Variants in TULP4 observed in about 807,000 individuals in gnomAD.
TULP4 encodes tubby-related protein 4.
TULP4 carries 16 observed loss-of-function variants against 129.0 expected under a neutral mutation model. The observed-to-expected ratio is 0.12, with a 90% CI of 0.08 to 0.19. The LOEUF (loss-of-function observed/expected upper bound fraction) is 0.19, where lower values mean the gene tolerates loss of function less well. Among genes scored for constraint, TULP4 ranks in the 10% least tolerant of loss-of-function variants. TULP4 has a pLI of 1.00. For missense variants in TULP4, 1,842 were observed against 2,059.1 expected, an observed-to-expected ratio of 0.89 and a Z score of 2.04; for synonymous variants, 998 against 854.0, an observed-to-expected ratio of 1.17 and a Z score of -2.94.
chr6:158,237,782 C>A, intron 1 of TULP4: 1 of 782,114 alleles, frequency 1.3e-6, no homozygotes, highest in Non-Finnish European at 2.4e-6. Flanking sequence ...TTTTCAAGAG[C>A]CTCAACATCT....
At chr6:158,361,262 A>G (rs1780782074) in intron 1 of TULP4, among the ~76,000 whole-genome samples, 1 of 152,202 alleles carries the variant, frequency 6.6e-6, no homozygotes, top group African/African-American at 2.4e-5. Flanking sequence ...GAGCAGAGTG[A>G]TATCAGGAGC....
intron 1 of TULP4, among the ~76,000 whole-genome samples, chr6:158,266,892 A>G (rs1013269608): frequency 6.6e-6 from 1 of 152,190 alleles, no homozygotes; most frequent in Admixed American, 6.5e-5. Flanking sequence ...GTGTACAGCC[A>G]TCATCGCTAT....
chr6:158,270,578 G>A (rs1340645152), intron 1 of TULP4, among the ~76,000 whole-genome samples: 3 of 152,166 alleles, frequency 2.0e-5, no homozygotes, highest in Admixed American at 6.5e-5. Context: ...CTCAGTTAGC[G>A]TCTCTGGCCT....
intron 12 of TULP4, among the ~76,000 whole-genome samples, chr6:158,500,857 G>C (rs1349853813): frequency 6.6e-6 from 1 of 152,244 alleles, no homozygotes; most frequent in Non-Finnish European, 1.5e-5. Context: ...CTGAGGTCAG[G>C]AGTTGGGGAC....
At chr6:158,302,323 G>A (rs1779146561) in intron 1 of TULP4, among the ~76,000 whole-genome samples, 1 of 152,200 alleles carries the variant, frequency 6.6e-6, no homozygotes, top group Non-Finnish European at 1.5e-5. Context: ...AAAGCAATAT[G>A]AAAGAAATAG....
At position 158,375,698 on chromosome 6, in the gene TULP4, C is replaced by T. The variant is rs1028903249; in HGVS notation, c.253-37367C>T. On this transcript the variant is annotated intron_variant, in intron 1 of 13. Transcript: ENST00000367097. ...AAGAAACACTGTAGGGTAAAATGCA[C>T]GCTGCTTAGTTTCATTAGCAAGTGC... Among the ~76,000 whole-genome samples the T allele has an allele frequency of 6.6e-5, 10 of 152,150 alleles. No homozygotes were observed. The East Asian group carries it at 9.6e-4, about 15-fold the overall frequency.
chr6:158,413,228 T>TGCGG lies in TULP4; in HGVS notation c.381+37_381+40dup, dbSNP rs1020807420. 6 of 1,593,142 alleles carry TGCGG rather than the reference T, an allele frequency of 3.8e-6. No individual in the cohort carries two copies. Among genetic ancestry groups the TGCGG allele is most frequent in the Non-Finnish European group, 5.1e-6 (6 of 1,165,830 alleles). On this transcript the variant is annotated intron_variant, in intron 2 of 13. Coordinates refer to ENST00000367097, the MANE Select transcript of TULP4 (RefSeq NM_020245.5). This position sits in a 1 kb window ranked among gnomAD's most constrained non-coding sequence, Gnocchi z 4.9. ...AGGCGCAGCTCTGCCAGTGAAGGGC[T>TGCGG]GCGGGGTAGAGGACTCCCAGACAGG... is the stretch of plus-strand genomic sequence containing the variant.
At chr6:158,271,989 T>C (rs529879360) in intron 1 of TULP4, among the ~76,000 whole-genome samples, 1 of 152,246 alleles carries the variant, frequency 6.6e-6, no homozygotes, top group Admixed American at 6.5e-5. Flanking sequence ...GAAAAATATT[T>C]AGAACGTTTA....
At chr6:158,384,541 G>A (rs575881351) in intron 1 of TULP4, among the ~76,000 whole-genome samples, 74 of 152,258 alleles carry the variant, frequency 4.9e-4, no homozygotes, top group African/African-American at 1.7e-3. Flanking sequence ...ACCCTCCTCA[G>A]CCTCCCAAAG....
intron 6 of TULP4, among the ~76,000 whole-genome samples, chr6:158,464,466 C>T (rs1209395154): frequency 1.3e-5 from 2 of 152,290 alleles, no homozygotes; most frequent in East Asian, 3.9e-4. Flanking sequence ...TGGAAGCCAA[C>T]GTTCTTGTTC....
At chr6:158,330,745 A>G (rs1419690010) in intron 1 of TULP4, among the ~76,000 whole-genome samples, 1 of 152,208 alleles carries the variant, frequency 6.6e-6, no homozygotes, top group Non-Finnish European at 1.5e-5. Context: ...CACAGGATAC[A>G]GTTTAGGACC....
intron 5 of TULP4, among the ~76,000 whole-genome samples, chr6:158,453,854 G>A (rs1779223945): frequency 6.6e-6 from 1 of 151,256 alleles, no homozygotes; most frequent in Non-Finnish European, 1.5e-5. Flanking sequence ...TTGGGAGGCT[G>A]AGGCAGGAGA....
chr6:158,301,223 C>T (rs1779126121), intron 1 of TULP4, among the ~76,000 whole-genome samples: 1 of 152,076 alleles, frequency 6.6e-6, no homozygotes, highest in Admixed American at 6.5e-5. Flanking sequence ...CAGCAATTAA[C>T]TCTACCTTTT....
chr6:158,461,525 G>T lies in TULP4; in HGVS notation c.860-38G>T, dbSNP rs750396028. On this transcript the variant is annotated intron_variant, in intron 5 of 13. Transcript: ENST00000367097. ...CTTGCTGAGTGGCAGTTTGAGGAGG[G>T]CTGTGTCCTTGTGCTGACCCTCTCT... The T allele has an allele frequency of 3.1e-6, 5 of 1,598,060 alleles. No homozygotes were observed. The South Asian group carries it at 4.5e-5, about 14-fold the overall frequency.
rs570687269 is a variant in TULP4, at chr6:158,448,751, G to T, written c.544-245G>T. Among the ~76,000 whole-genome samples the T allele has an allele frequency of 5.3e-5, 8 of 152,226 alleles. No homozygotes were observed. The South Asian group carries it at 1.7e-3, about 32-fold the overall frequency. ...GATTTTGCTGGTATTATTTGAAAAC[G>T]TTCATGCAATATAATATACTCATTC... On this transcript the variant is annotated intron_variant, in intron 3 of 13. Coordinates refer to ENST00000367097, the MANE Select transcript of TULP4 (RefSeq NM_020245.5).
intron 1 of TULP4, among the ~76,000 whole-genome samples, chr6:158,333,046 G>A (rs1362678938): frequency 6.6e-6 from 1 of 151,876 alleles, no homozygotes; most frequent in Admixed American, 6.6e-5. Flanking sequence ...CCCCCATTTC[G>A]TTTTTGTAAT....
chr6:158,273,030 TA>T (rs1212601904), intron 1 of TULP4, among the ~76,000 whole-genome samples: 3 of 152,232 alleles, frequency 2.0e-5, no homozygotes, highest in African/African-American at 7.2e-5. Flanking sequence ...TTGAGGGACC[TA>T]CCCGACACTT....
chr6:158,484,581 T>C (rs2128252213), intron 8 of TULP4, among the ~76,000 whole-genome samples: 1 of 151,946 alleles, frequency 6.6e-6, no homozygotes, highest in Admixed American at 6.6e-5. Flanking sequence ...GTAAAAGGAG[T>C]TCATATAGGT....
intron 1 of TULP4, among the ~76,000 whole-genome samples, chr6:158,296,861 A>G (rs1779044245): frequency 6.6e-6 from 1 of 152,156 alleles, no homozygotes; most frequent in Admixed American, 6.5e-5. Context: ...TTAAGGGGCA[A>G]AAAAGCAGAG....
Sources: gnomAD v4.1 joint callset for allele counts (sites outside exome capture counted in the v4.1 genomes callset) on GRCh38, gnomAD v4.1.1 for gene constraint, Gnocchi (gnomAD v3.1) non-coding constraint, MANE v1.5 for transcripts, NCBI Gene and HGNC (gene_info 2026-07-23, HGNC 2026-07-21) for gene names.